The following HGSNAT variants were observed in gnomAD, a reference collection of about 807,000 sequenced individuals.
HGSNAT encodes the protein transmembrane protein 76.
HGSNAT carries 59 observed loss-of-function variants against 85.2 expected under a neutral mutation model. That is an observed-to-expected ratio of 0.69 (90% confidence interval 0.56 to 0.86). The LOEUF is 0.86. Ranked by LOEUF, HGSNAT falls within the 40% of genes least tolerant of loss-of-function variation. The probability of loss-of-function intolerance (pLI) is 0.00; values close to 1 mark genes in which losing one functional copy is unlikely to be tolerated. For missense variants in HGSNAT, 756 were observed against 777.1 expected (o/e 0.97, Z 0.32); for synonymous variants, 321 against 304.5 (o/e 1.05, Z -0.56).
chr8:43,168,951 C>G (rs943521318), intron 5 of HGSNAT, among the ~76,000 whole-genome samples: 2 of 152,114 alleles, frequency 1.3e-5, no homozygotes, highest in Non-Finnish European at 2.9e-5. Context: ...GTCATCATTC[C>G]TGTTTTATTG....
At position 43,175,691 on chromosome 8, in the gene HGSNAT, G is replaced by C. The variant is rs1586730551; in HGVS notation, c.851+1948G>C. ...AGCGATTCTTCTGCCTCAGCCTCCC[G>C]AGTAGCTGGGATTACAGGTGCGCAC... is the stretch of plus-strand genomic sequence containing the variant. On this transcript the variant is annotated intron_variant, in intron 9 of 17. Transcript: ENST00000379644. Among the ~76,000 whole-genome samples, 3 of 148,036 alleles carry C rather than the reference G, an allele frequency of 2.0e-5. No homozygotes were observed. The South Asian group carries it at 6.6e-4, about 33-fold the overall frequency.
At chr8:43,144,341 A>G (rs999468387) in intron 1 of HGSNAT, among the ~76,000 whole-genome samples, 1 of 151,924 alleles carries the variant, frequency 6.6e-6, no homozygotes, top group East Asian at 1.9e-4. Context: ...AAAAAAAAAA[A>G]AATTTTAACT....
At chr8:43,159,461 G>A (rs1293733738) in intron 4 of HGSNAT, among the ~76,000 whole-genome samples, 1 of 152,064 alleles carries the variant, frequency 6.6e-6, no homozygotes. Context: ...GGCGATGCGT[G>A]CCTGTAGTCC....
At chr8:43,183,420 G>C (rs1804201129) in intron 11 of HGSNAT, among the ~76,000 whole-genome samples, 1 of 151,552 alleles carries the variant, frequency 6.6e-6, no homozygotes, top group South Asian at 2.1e-4. Context: ...ACCCACCTCA[G>C]CCTCCCAAAA....
chr8:43,196,387 C>G (rs925590337), intron 14 of HGSNAT: 7 of 1,058,786 alleles, frequency 6.6e-6, no homozygotes, highest in Admixed American at 4.7e-5. Context: ...CTGCCTCCCC[C>G]ACCCTGCCTC....
chr8:43,172,275 A>G, intron 7 of HGSNAT, 35 bp from the exon 8 acceptor site: 1 of 1,485,744 alleles, frequency 6.7e-7, no homozygotes, highest in Non-Finnish European at 9.4e-7. Flanking sequence ...CACATAGCAA[A>G]CCCTGAAAGG....
chr8:43,199,273 C>A (rs963122815), intron 17 of HGSNAT, 115 bp from the exon 18 acceptor site: 3 of 696,444 alleles, frequency 4.3e-6, no homozygotes, highest in Non-Finnish European at 7.0e-6. Flanking sequence ...CAGTAGCCAA[C>A]AATGGAAGTG....
rs1387365931 is a variant in HGSNAT, at chr8:43,140,503, G to C, written c.7G>C (p.Gly3Arg). The C allele has an allele frequency of 2.9e-6, 3 of 1,044,416 alleles. No individual in the cohort carries two copies. The highest frequency in any genetic ancestry group is 5.7e-5 in the Admixed American group (1 of 17,688). 64.7% of individuals were successfully genotyped at this position (1,044,416 alleles called of 1,614,324 possible). The change falls in exon 1 of 18, where the codon GGG becomes CGG. Residue 3 changes from glycine to arginine, a missense_variant. By Grantham distance (125) the Gly-to-Arg change is moderately radical (BLOSUM62 -2). Coordinates refer to ENST00000379644, the MANE Select transcript of HGSNAT (RefSeq NM_152419.3). ...GGCCGAGCGGGCGGCGGGCATGAGC[G>C]GGGCGGGCAGGGCGCTGGCCGCGCT... The part of the protein sequence containing the change: MS[G>R]AGRALAALLL...
At chr8:43,196,535 G>A in intron 14 of HGSNAT, 2 of 1,289,938 alleles carry the variant, frequency 1.6e-6, no homozygotes, top group Non-Finnish European at 2.0e-6. Flanking sequence ...CACGGAGCCT[G>A]CCCAGGTGCC....
At chr8:43,148,975 G>T (rs569106855) in intron 2 of HGSNAT, among the ~76,000 whole-genome samples, 2 of 151,538 alleles carry the variant, frequency 1.3e-5, no homozygotes, top group African/African-American at 4.9e-5. Context: ...AATTAGCTAC[G>T]CACAGTGGTG....
At position 43,199,699 on chromosome 8, in the gene HGSNAT, C is replaced by T; in HGVS notation, c.*130C>T. The T allele has an allele frequency of 1.7e-6, 1 of 600,016 alleles. No homozygotes were observed. Among genetic ancestry groups the T allele is most frequent in the Non-Finnish European group, 2.6e-6 (1 of 380,876 alleles). 37.2% of individuals were successfully genotyped at this position (600,016 alleles called of 1,614,324 possible). ...CGTGTTTACAGACTCTGGGGGAAGA[C>T]ACTGATGTCCTCAAACTGGTTAACT... On this transcript the variant is annotated 3_prime_UTR_variant, in exon 18 of 18. Transcript: ENST00000379644.
intron 1 of HGSNAT, among the ~76,000 whole-genome samples, chr8:43,142,146 C>T (rs1403589541): frequency 1.3e-5 from 2 of 151,820 alleles, no homozygotes; most frequent in South Asian, 4.2e-4. Flanking sequence ...AGAGCTAGAC[C>T]AGAAATTAAA....
chr8:43,182,119 C>G, intron 10 of HGSNAT, 26 bp from the exon 11 acceptor site: 1 of 1,569,080 alleles, frequency 6.4e-7, no homozygotes, highest in Non-Finnish European at 8.8e-7. Flanking sequence ...CTGGCTAACA[C>G]TTGACCTAAC....
At chr8:43,186,355 T>G (rs1163460245) in intron 11 of HGSNAT, among the ~76,000 whole-genome samples, 1 of 152,180 alleles carries the variant, frequency 6.6e-6, no homozygotes, top group East Asian at 1.9e-4. Flanking sequence ...TTCTTCCTGG[T>G]TTAGTCTTGG....
chr8:43,184,042 G>T (rs1427005474), intron 11 of HGSNAT, among the ~76,000 whole-genome samples: 1 of 151,894 alleles, frequency 6.6e-6, no homozygotes, highest in Non-Finnish European at 1.5e-5. Context: ...TCATTGTTGG[G>T]CATTTGGGTT....
intron 1 of HGSNAT, among the ~76,000 whole-genome samples, chr8:43,143,278 T>C (rs184892164): frequency 6.6e-5 from 10 of 152,318 alleles, no homozygotes; most frequent in African/African-American, 2.4e-4. Context: ...TAATCACAAA[T>C]TCAAAACTAA....
intron 5 of HGSNAT, 126 bp from the exon 6 acceptor site, chr8:43,169,047 G>A: frequency 4.1e-6 from 2 of 483,280 alleles, no homozygotes; most frequent in East Asian, 3.2e-5. Flanking sequence ...GTTAAAAAAT[G>A]TTTAGAATGT....
Position 43,199,425 on chromosome 8 carries a change from G to A in HGSNAT, c.1764G>A (p.Val588=), listed in dbSNP as rs765645520. Residue 588 remains valine (V), a synonymous_variant, in exon 18 of 18, where the codon GTG becomes GTA. Transcript: ENST00000379644. ...NSILVYVGHE[V]FENYFPFQWK... ...TTCTGGTATATGTCGGCCACGAGGT[G>A]TTTGAGAACTACTTCCCCTTTCAGT... 1.2e-6 allele frequency: 2 copies of A among 1,608,870 alleles called. No homozygotes were observed. Among genetic ancestry groups the A allele is most frequent in the African/African-American group, 1.3e-5 (1 of 74,994 alleles).
At position 43,193,746 on chromosome 8, in the gene HGSNAT, T is replaced by C. The variant is rs1423121541; in HGVS notation, c.1378-11T>C. ...GTGAGTGAGTGCTGCCTTCTGCTTC[T>C]GTTTGTTAAGGTACTTTACCACACC... On this transcript the variant is annotated splice_polypyrimidine_tract_variant and intron_variant, in intron 13 of 17. Coordinates refer to ENST00000379644, the MANE Select transcript of HGSNAT (RefSeq NM_152419.3). 2 of 1,598,758 alleles carry C rather than the reference T, an allele frequency of 1.3e-6. No homozygotes were observed. Among genetic ancestry groups the C allele is most frequent in the Non-Finnish European group, 1.7e-6 (2 of 1,167,492 alleles).
Sources: allele counts gnomAD v4.1 joint callset (sites outside exome capture counted in the v4.1 genomes callset), GRCh38; gene constraint gnomAD v4.1.1; transcripts MANE v1.5; gene names NCBI Gene and HGNC (gene_info 2026-07-23, HGNC 2026-07-21).